CCSER1: variants seen among roughly 807,000 people sequenced by gnomAD.
CCSER1 encodes the protein serine-rich coiled-coil domain-containing protein 1.
Under a neutral mutation model 82.0 loss-of-function variants are expected in CCSER1, and 41 were observed. That is an observed-to-expected ratio of 0.50 (90% CI 0.39 to 0.65). The LOEUF is 0.65. CCSER1 is among the 30% of genes least tolerant of loss of function. The probability of loss-of-function intolerance (pLI) is 0.00; values close to 1 mark genes in which losing one functional copy is unlikely to be tolerated. For missense variants in CCSER1, 1,119 were observed against 1,064.2 expected (o/e 1.05, Z -0.72); for synonymous variants, 414 against 383.9 (o/e 1.08, Z -0.92).
intron 10 of CCSER1, among the ~76,000 whole-genome samples, chr4:91,548,766 C>CA (rs1344840855): frequency 1.3e-5 from 2 of 152,048 alleles, no homozygotes; most frequent in African/African-American, 2.4e-5. Context: ...GTCTCCCCCA[C>CA]ACCATCCCCC....
chr4:91,443,918 A>G (rs1400186659), intron 10 of CCSER1, among the ~76,000 whole-genome samples: 2 of 151,922 alleles, frequency 1.3e-5, no homozygotes, highest in Non-Finnish European at 2.9e-5. Flanking sequence ...ATTAGTAAGA[A>G]TAAACTTAAT....
intron 1 of CCSER1, among the ~76,000 whole-genome samples, chr4:90,139,957 C>T (rs925760969): frequency 6.6e-6 from 1 of 151,846 alleles, no homozygotes; most frequent in African/African-American, 2.4e-5. Context: ...GAGACTCCAT[C>T]TCAAAAGTAA....
At chr4:90,492,049 A>G (rs1768113480) in intron 5 of CCSER1, among the ~76,000 whole-genome samples, 1 of 151,940 alleles carries the variant, frequency 6.6e-6, no homozygotes, top group African/African-American at 2.4e-5. Flanking sequence ...GTTAGGGAGG[A>G]TTCCCTCTTT....
chr4:91,177,070 A>C (rs2149017942), intron 10 of CCSER1, among the ~76,000 whole-genome samples: 1 of 152,238 alleles, frequency 6.6e-6, no homozygotes, highest in African/African-American at 2.4e-5. Context: ...GCATCTATTG[A>C]GATAATCATG....
At chr4:90,784,251 T>G (rs1003951686) in intron 7 of CCSER1, among the ~76,000 whole-genome samples, 1 of 152,352 alleles carries the variant, frequency 6.6e-6, no homozygotes, top group Admixed American at 6.5e-5. Context: ...TGAATAATTC[T>G]TGAAAAACCT....
chr4:90,314,018 C>G (rs190830283), intron 3 of CCSER1, among the ~76,000 whole-genome samples: 1 of 152,170 alleles, frequency 6.6e-6, no homozygotes, highest in Admixed American at 6.5e-5. Context: ...TAATTGAGAT[C>G]TGATAATTAT....
At chr4:91,212,478 CT>C (rs1736899039) in intron 10 of CCSER1, among the ~76,000 whole-genome samples, 1 of 151,996 alleles carries the variant, frequency 6.6e-6, no homozygotes, top group Non-Finnish European at 1.5e-5. Context: ...GACTGATGCA[CT>C]GTTCTCACTA....
chr4:90,193,437 CA>C (rs200342780), intron 1 of CCSER1, among the ~76,000 whole-genome samples: 4,998 of 152,126 alleles, frequency 0.033, 119 homozygotes, highest in Middle Eastern at 0.051. Context: ...AGTATGAATA[CA>C]AAAGAGTTAG....
chr4:91,051,756 G>T (rs1369897026), intron 9 of CCSER1, among the ~76,000 whole-genome samples: 1 of 152,060 alleles, frequency 6.6e-6, no homozygotes, highest in Non-Finnish European at 1.5e-5. Context: ...AAGTAATATT[G>T]CTTGATTCAT....
intron 9 of CCSER1, chr4:91,015,241 T>G (rs1433847450): frequency 3.3e-5 from 5 of 152,096 alleles, no homozygotes. Flanking sequence ...AAGTTCTATG[T>G]GCTTTATTAT....
At chr4:90,834,522 A>C (rs1021666998) in intron 8 of CCSER1, among the ~76,000 whole-genome samples, 4 of 152,222 alleles carry the variant, frequency 2.6e-5, no homozygotes, top group Admixed American at 6.5e-5. Flanking sequence ...AACAGTTTTC[A>C]GGTGTTTATC....
At chr4:90,501,376 G>T (rs1232376304) in intron 5 of CCSER1, among the ~76,000 whole-genome samples, 1 of 152,140 alleles carries the variant, frequency 6.6e-6, no homozygotes, top group Non-Finnish European at 1.5e-5. Flanking sequence ...ATGAGACTGT[G>T]TTGATCTAGG....
intron 10 of CCSER1, among the ~76,000 whole-genome samples, chr4:91,134,098 C>CA (rs922903212): frequency 2.0e-5 from 3 of 151,846 alleles, no homozygotes; most frequent in African/African-American, 7.3e-5. Flanking sequence ...GATTCTGTCT[C>CA]AAAAAAAGAG....
chr4:91,581,408 T>C (rs144574275), intron 10 of CCSER1, among the ~76,000 whole-genome samples: 1 of 151,550 alleles, frequency 6.6e-6, no homozygotes, highest in African/African-American at 2.4e-5. Context: ...GGGAAAAAAA[T>C]TGTAGTCATG....
intron 10 of CCSER1, among the ~76,000 whole-genome samples, chr4:91,409,010 ACAATTTCCATTCATGTAT>A (rs775905156): frequency 5.9e-5 from 9 of 152,138 alleles, no homozygotes; most frequent in Non-Finnish European, 1.2e-4. Flanking sequence ...GTGGGGGAAA[ACAATTTCCATTCATGTAT>A]CATACTCCAT....
intron 10 of CCSER1, among the ~76,000 whole-genome samples, chr4:91,299,145 T>A (rs1481791210): frequency 2.0e-5 from 3 of 152,022 alleles, no homozygotes; most frequent in Non-Finnish European, 4.4e-5. Flanking sequence ...TAGGCATATA[T>A]TAAAATATTA....
chr4:90,628,445 C>T (rs148581993), intron 6 of CCSER1, among the ~76,000 whole-genome samples: 4 of 152,080 alleles, frequency 2.6e-5, no homozygotes, highest in East Asian at 1.9e-4. Context: ...TAAGAGTTTA[C>T]GAAATACTTA....
intron 10 of CCSER1, among the ~76,000 whole-genome samples, chr4:91,288,351 A>G (rs1339465035): frequency 2.0e-5 from 3 of 151,912 alleles, no homozygotes; most frequent in Non-Finnish European, 4.4e-5. Flanking sequence ...GCAACCAACT[A>G]ACCTGTACAT....
intron 10 of CCSER1, among the ~76,000 whole-genome samples, chr4:91,202,381 A>G (rs1030059722): frequency 6.6e-6 from 1 of 151,908 alleles, no homozygotes; most frequent in African/African-American, 2.4e-5. Flanking sequence ...TCTTAGAATC[A>G]TGGCCACTCC....
Sources: gnomAD v4.1 joint callset for allele counts (sites outside exome capture counted in the v4.1 genomes callset) on GRCh38, gnomAD v4.1.1 for gene constraint, MANE v1.5 for transcripts, NCBI Gene and HGNC (gene_info 2026-07-23, HGNC 2026-07-21) for gene names.